LRFN2: variants seen among roughly 807,000 people sequenced by gnomAD.
LRFN2 encodes leucine rich repeat and fibronectin type III domain containing 2.
In LRFN2, 18 loss-of-function variants were observed where a neutral mutation model predicts 37.3. The observed-to-expected ratio is 0.48, with a 90% CI of 0.33 to 0.72. The LOEUF is 0.72. Ranked by LOEUF, LRFN2 falls within the 30% of genes least tolerant of loss-of-function variation. The pLI, the probability that LRFN2 is intolerant of heterozygous loss-of-function variation, is 0.02. For synonymous variants in LRFN2, 556 were observed against 466.6 expected, an observed-to-expected ratio of 1.19 and a Z score of -2.47; for missense variants, 1,006 against 1,060.7, an observed-to-expected ratio of 0.95 and a Z score of 0.72.
chr6:40,392,780 G>A lies in LRFN2; in HGVS notation c.1533C>T (p.Ala511=). 2 of 1,614,144 alleles carry A rather than the reference G, an allele frequency of 1.2e-6. No individual in the cohort carries two copies. Among genetic ancestry groups the A allele is most frequent in the Non-Finnish European group, 1.7e-6 (2 of 1,180,004 alleles). The change falls in exon 3 of 3, where the codon GCC becomes GCT. Residue 511 remains alanine (A), a synonymous_variant. Coordinates refer to ENST00000338305, the MANE Select transcript of LRFN2 (RefSeq NM_020737.3). The surrounding 1 kb of genome is among the most constrained non-coding windows in gnomAD (Gnocchi z 4.7). ...TLTATNIVGC[A]QFFTKADYPQ... is the part of the protein sequence containing the mutation. ...GGTAGTCAGCCTTGGTGAAGAACTG[G>A]GCGCAGCCCACGATGTTGGTGGCCG...
chr6:40,555,097 C>A (rs963324691), intron 1 of LRFN2, among the ~76,000 whole-genome samples: 6 of 152,268 alleles, frequency 3.9e-5, no homozygotes, highest in African/African-American at 9.6e-5. Context: ...GTAAGATGTT[C>A]TTTTTGCCAG....
At chr6:40,486,959 G>A (rs1764972802) in intron 1 of LRFN2, among the ~76,000 whole-genome samples, 1 of 152,308 alleles carries the variant, frequency 6.6e-6, no homozygotes, top group Non-Finnish European at 1.5e-5. Context: ...GTGTTCACAG[G>A]TTTTATCTTC....
At chr6:40,532,005 C>T (rs761255039) in intron 1 of LRFN2, among the ~76,000 whole-genome samples, 8 of 152,202 alleles carry the variant, frequency 5.3e-5, no homozygotes, top group South Asian at 2.1e-4. Context: ...TTCAGGTGTC[C>T]GCACAGTTCC....
chr6:40,450,787 T>G (rs1764084892), intron 1 of LRFN2, among the ~76,000 whole-genome samples: 2 of 152,216 alleles, frequency 1.3e-5, no homozygotes, highest in South Asian at 4.1e-4. Flanking sequence ...AGGGAATAGA[T>G]CTCCTTTAGA....
At chr6:40,569,880 C>G (rs1406732509) in intron 1 of LRFN2, among the ~76,000 whole-genome samples, 1 of 152,146 alleles carries the variant, frequency 6.6e-6, no homozygotes, top group African/African-American at 2.4e-5. Flanking sequence ...GCAGGGCCGT[C>G]TCAGGTCCGG....
chr6:40,535,437 T>G (rs560778660), intron 1 of LRFN2, among the ~76,000 whole-genome samples: 1 of 151,836 alleles, frequency 6.6e-6, no homozygotes, highest in Non-Finnish European at 1.5e-5. Flanking sequence ...AAGGGAAGGG[T>G]GGGGTATGGA....
At chr6:40,398,660 T>A (rs954554120) in intron 2 of LRFN2, among the ~76,000 whole-genome samples, 1 of 151,838 alleles carries the variant, frequency 6.6e-6, no homozygotes, top group Non-Finnish European at 1.5e-5. Context: ...AAACATGAAT[T>A]GCTATTTTAA....
Position 40,433,045 on chromosome 6 carries a change from C to T in LRFN2, c.69G>A (p.Lys23=). Residue 23 remains lysine (K), a synonymous_variant, in exon 2 of 3, where the codon AAG becomes AAA. Coordinates refer to ENST00000338305, the MANE Select transcript of LRFN2 (RefSeq NM_020737.3). ...MAFAVVDACP[K]YCVCQNLSES... ...CAGACAGATTCTGGCAGACACAGTA[C>T]TTGGGGCAGGCGTCGACCACGGCAA... 6.3e-7 allele frequency: 1 copy of T among 1,577,660 alleles called. No homozygotes were observed. The highest frequency in any genetic ancestry group is 8.6e-7 in the Non-Finnish European group (1 of 1,162,888).
At chr6:40,522,753 G>C (rs905443566) in intron 1 of LRFN2, among the ~76,000 whole-genome samples, 1 of 152,214 alleles carries the variant, frequency 6.6e-6, no homozygotes, top group Non-Finnish European at 1.5e-5. Flanking sequence ...CACTAGCTTA[G>C]AACCAGGCAG....
intron 2 of LRFN2, among the ~76,000 whole-genome samples, chr6:40,395,182 T>C (rs894703558): frequency 1.3e-5 from 2 of 152,094 alleles, no homozygotes; most frequent in Non-Finnish European, 2.9e-5. Flanking sequence ...GTAAAGGCAG[T>C]GATCAGTACT....
At chr6:40,499,360 AT>A (rs1441298502) in intron 1 of LRFN2, among the ~76,000 whole-genome samples, 2 of 151,816 alleles carry the variant, frequency 1.3e-5, no homozygotes, top group Admixed American at 1.3e-4. Flanking sequence ...GAGCCATTAC[AT>A]TACAACCGAG....
intron 1 of LRFN2, among the ~76,000 whole-genome samples, chr6:40,437,863 C>A (rs1192115724): frequency 4.6e-5 from 7 of 152,128 alleles, no homozygotes; most frequent in African/African-American, 7.2e-5. Flanking sequence ...GGAGAGGAAC[C>A]AGGATATCCT....
intron 2 of LRFN2, among the ~76,000 whole-genome samples, chr6:40,417,606 A>T (rs1329738284): frequency 6.6e-6 from 1 of 152,190 alleles, no homozygotes; most frequent in Non-Finnish European, 1.5e-5. Context: ...GAGCTGGGTC[A>T]GTGATGGCGT....
chr6:40,519,916 C>T (rs1404943305), intron 1 of LRFN2, among the ~76,000 whole-genome samples: 1 of 152,180 alleles, frequency 6.6e-6, no homozygotes, highest in African/African-American at 2.4e-5. Context: ...AAGCACTATC[C>T]TAGGCATTAG....
intron 2 of LRFN2, among the ~76,000 whole-genome samples, chr6:40,425,496 G>A (rs896806065): frequency 6.6e-6 from 1 of 152,210 alleles, no homozygotes; most frequent in African/African-American, 2.4e-5. Context: ...AAGCCAAGCT[G>A]GGGTGAACTG....
At chr6:40,407,877 T>C (rs1762881542) in intron 2 of LRFN2, 1 of 152,228 alleles carries the variant, frequency 6.6e-6, no homozygotes, top group African/African-American at 2.4e-5. Context: ...AGCATTTCCA[T>C]TAAAACTGGA....
chr6:40,502,840 T>A (rs566198768), intron 1 of LRFN2, among the ~76,000 whole-genome samples: 8 of 152,164 alleles, frequency 5.3e-5, no homozygotes, highest in Admixed American at 3.3e-4. Context: ...GCAGAAATGA[T>A]CAGACAGCCA....
At chr6:40,544,459 A>T (rs970318376) in intron 1 of LRFN2, among the ~76,000 whole-genome samples, 7 of 152,204 alleles carry the variant, frequency 4.6e-5, no homozygotes, top group Non-Finnish European at 8.8e-5. Context: ...GTAAACAGCC[A>T]TGTGTGTGCC....
intron 1 of LRFN2, among the ~76,000 whole-genome samples, chr6:40,567,759 T>C (rs1015186459): frequency 1.3e-5 from 2 of 152,212 alleles, no homozygotes; most frequent in African/African-American, 4.8e-5. Context: ...ACCCATTGAA[T>C]TCCACAGCAG....
Sources: allele counts gnomAD v4.1 joint callset (sites outside exome capture counted in the v4.1 genomes callset), GRCh38; gene constraint gnomAD v4.1.1; non-coding constraint Gnocchi (gnomAD v3.1); transcripts MANE v1.5; gene names NCBI Gene and HGNC (gene_info 2026-07-23, HGNC 2026-07-21).